The following ATRNL1 variants were observed in gnomAD, a reference collection of about 807,000 sequenced individuals.
ATRNL1 encodes the protein attractin-like protein 1.
A neutral mutation model predicts 182.7 loss-of-function variants in ATRNL1; 95 were observed. The observed-to-expected ratio is 0.52, with a 90% CI of 0.44 to 0.62. The LOEUF is 0.62. Ranked by LOEUF, ATRNL1 falls within the 20% of genes least tolerant of loss-of-function variation. ATRNL1 has a pLI of 0.00. For synonymous variants in ATRNL1, 576 were observed against 568.3 expected (o/e 1.01, Z -0.19); for missense variants, 1,471 against 1,679.5 (o/e 0.88, Z 2.17).
chr10:115,716,252 C>T (rs76796804), intron 26 of ATRNL1, among the ~76,000 whole-genome samples: 1 of 152,002 alleles, frequency 6.6e-6, no homozygotes, highest in African/African-American at 2.4e-5. Flanking sequence ...TACTGGAGAA[C>T]CATTTTTTAG....
chr10:115,694,036 T>C (rs1409352435), intron 26 of ATRNL1, among the ~76,000 whole-genome samples: 2 of 152,098 alleles, frequency 1.3e-5, no homozygotes, highest in African/African-American at 4.8e-5. Flanking sequence ...ACCAGATGAC[T>C]ATCCATATAG....
intron 8 of ATRNL1, among the ~76,000 whole-genome samples, chr10:115,189,181 T>C (rs188152054): frequency 4.0e-4 from 61 of 152,064 alleles, no homozygotes; most frequent in African/African-American, 1.4e-3. Context: ...TTTGTGGTGA[T>C]GCTGGTGTAA....
chr10:115,498,307 C>T (rs1335627616), intron 24 of ATRNL1, among the ~76,000 whole-genome samples: 1 of 152,024 alleles, frequency 6.6e-6, no homozygotes, highest in African/African-American at 2.4e-5. Context: ...TTCCTATAAA[C>T]TATATATGGC....
chr10:115,306,186 A>G (rs754053804), intron 17 of ATRNL1, among the ~76,000 whole-genome samples: 1 of 152,130 alleles, frequency 6.6e-6, no homozygotes, highest in Non-Finnish European at 1.5e-5. Flanking sequence ...TACCATTTTA[A>G]CCATTGGTAA....
At chr10:115,655,092 A>G (rs1171787105) in intron 26 of ATRNL1, among the ~76,000 whole-genome samples, 3 of 152,206 alleles carry the variant, frequency 2.0e-5, no homozygotes, top group Non-Finnish European at 4.4e-5. Context: ...TAAGTGAATG[A>G]AGAATGTGAA....
At chr10:115,435,490 C>A (rs1846363521) in intron 21 of ATRNL1, among the ~76,000 whole-genome samples, 1 of 151,942 alleles carries the variant, frequency 6.6e-6, no homozygotes, top group African/African-American at 2.4e-5. Flanking sequence ...AACTGTGAGC[C>A]CATAAATTTA....
intron 21 of ATRNL1, among the ~76,000 whole-genome samples, chr10:115,440,199 A>C (rs1846601452): frequency 6.6e-6 from 1 of 151,838 alleles, no homozygotes; most frequent in Non-Finnish European, 1.5e-5. Context: ...GCACTACAAG[A>C]TATTTCGGGC....
intron 25 of ATRNL1, among the ~76,000 whole-genome samples, chr10:115,520,656 T>C (rs1162926297): frequency 3.3e-5 from 5 of 152,200 alleles, no homozygotes; most frequent in African/African-American, 1.2e-4. Context: ...CAAATTGTTC[T>C]TTATAACTGA....
At chr10:115,668,299 G>C (rs1299553665) in intron 26 of ATRNL1, among the ~76,000 whole-genome samples, 1 of 152,020 alleles carries the variant, frequency 6.6e-6, no homozygotes, top group Non-Finnish European at 1.5e-5. Flanking sequence ...TACCTGAATG[G>C]AGAATTATTT....
intron 27 of ATRNL1, among the ~76,000 whole-genome samples, chr10:115,844,644 TA>T (rs1950887797): frequency 6.6e-6 from 1 of 152,050 alleles, no homozygotes; most frequent in Admixed American, 6.6e-5. Context: ...GCAGTCTTTT[TA>T]AAAGTGCTGT....
At chr10:115,437,591 C>T (rs145374526) in intron 21 of ATRNL1, among the ~76,000 whole-genome samples, 45 of 152,032 alleles carry the variant, frequency 3.0e-4, no homozygotes, top group African/African-American at 9.9e-4. Context: ...TATTTATAAT[C>T]GTACCATTGT....
intron 26 of ATRNL1, among the ~76,000 whole-genome samples, chr10:115,621,074 A>C (rs1418351647): frequency 1.3e-5 from 2 of 151,814 alleles, no homozygotes; most frequent in Admixed American, 6.6e-5. Flanking sequence ...TTTTATTTAA[A>C]TTTGTAACTA....
intron 26 of ATRNL1, among the ~76,000 whole-genome samples, chr10:115,574,700 A>G (rs1310116496): frequency 6.6e-6 from 1 of 152,178 alleles, no homozygotes; most frequent in African/African-American, 2.4e-5. Flanking sequence ...CAGGAGCCCT[A>G]GAAATTCTCT....
chr10:115,764,862 C>T (rs556035071), intron 27 of ATRNL1, among the ~76,000 whole-genome samples: 7 of 152,158 alleles, frequency 4.6e-5, no homozygotes, highest in East Asian at 3.9e-4. Flanking sequence ...TTAGTAGAGA[C>T]GGGGTTTCGC....
intron 19 of ATRNL1, among the ~76,000 whole-genome samples, chr10:115,351,585 G>A (rs913897479): frequency 5.3e-5 from 8 of 151,962 alleles, no homozygotes; most frequent in African/African-American, 1.4e-4. Flanking sequence ...CACATTTATC[G>A]ATTTGTATGT....
intron 9 of ATRNL1, among the ~76,000 whole-genome samples, chr10:115,219,238 A>T (rs1376427053): frequency 6.6e-6 from 1 of 151,400 alleles, no homozygotes; most frequent in Admixed American, 6.6e-5. Context: ...TCTCAAAAAA[A>T]AAAAAAAAAA....
At chr10:115,103,044 T>TG (rs1263034431) in intron 1 of ATRNL1, among the ~76,000 whole-genome samples, 1 of 150,362 alleles carries the variant, frequency 6.7e-6, no homozygotes, top group Non-Finnish European at 1.5e-5. Flanking sequence ...TTTAGTGTTT[T>TG]TTTTTTTTTT....
chr10:115,600,276 C>T (rs1555015483), intron 26 of ATRNL1, among the ~76,000 whole-genome samples: 2 of 152,052 alleles, frequency 1.3e-5, no homozygotes, highest in African/African-American at 4.8e-5. Context: ...CCTAATAGTA[C>T]AATTTCTGGA....
At chr10:115,519,239 A>AT (rs782175272) in intron 24 of ATRNL1, 24 bp from the exon 25 acceptor site, 23 of 1,593,500 alleles carry the variant, frequency 1.4e-5, no homozygotes, top group South Asian at 5.6e-5. Flanking sequence ...CATACTTTCA[A>AT]TTTTTTTTAT....
Sources: gnomAD v4.1 joint callset for allele counts (sites outside exome capture counted in the v4.1 genomes callset) on GRCh38, gnomAD v4.1.1 for gene constraint, MANE v1.5 for transcripts, NCBI Gene and HGNC (gene_info 2026-07-23, HGNC 2026-07-21) for gene names.